The following BST1 variants were observed in gnomAD, a reference collection of about 807,000 sequenced individuals.
BST1 encodes bone marrow stromal cell antigen 1.
A neutral mutation model predicts 40.6 loss-of-function variants in BST1; 49 were observed. The observed-to-expected ratio is 1.21, with a 90% CI of 0.96 to 1.53. The LOEUF is 1.53. Ranked by LOEUF, BST1 falls within the 40% of genes most tolerant of loss-of-function variation. BST1 has a pLI of 0.00. For synonymous variants in BST1, 157 were observed against 159.3 expected, an observed-to-expected ratio of 0.99 and a Z score of 0.11; for missense variants, 423 against 395.9, an observed-to-expected ratio of 1.07 and a Z score of -0.58.
intron 8 of BST1, among the ~76,000 whole-genome samples, chr4:15,725,124 A>AC (rs80132851): frequency 0.13 from 20,445 of 152,102 alleles, 2,577 homozygotes; most frequent in East Asian, 0.52. Flanking sequence ...CAGAAGCCAG[A>AC]TTTTATTTGA....
Position 15,721,310 on chromosome 4 carries a change from C to T in BST1, c.792-1565C>T, listed in dbSNP as rs1260790684. ...AGGTTCTTGCCCATTTTGGAGGGGG[C>T]TTATCTTTTCATGGCCTCCCTTACC... On this transcript the variant is annotated intron_variant, in intron 7 of 8. Transcript: ENST00000265016. Among the ~76,000 whole-genome samples, 3 of 152,300 alleles carry T rather than the reference C, an allele frequency of 2.0e-5. No homozygotes were observed. In the East Asian group the frequency reaches 5.8e-4, roughly 29 times the overall value.
the BST1 span, among the ~76,000 whole-genome samples, chr4:15,756,224 CATAAA>C: frequency 6.6e-6 from 1 of 152,144 alleles, no homozygotes; most frequent in East Asian, 1.9e-4. Context: ...AAGCTCTTCT[CATAAA>C]AGAAAAGTAC....
At chr4:15,745,926 C>A in the BST1 span, among the ~76,000 whole-genome samples, 3 of 152,160 alleles carry the variant, frequency 2.0e-5, no homozygotes, top group Non-Finnish European at 2.9e-5. Context: ...AGGGGCCAGA[C>A]TGATGTCATA....
chr4:15,773,905 G>GT, the BST1 span, among the ~76,000 whole-genome samples: 1 of 152,040 alleles, frequency 6.6e-6, no homozygotes, highest in Non-Finnish European at 1.5e-5. Context: ...CTTCCCTGAC[G>GT]TTTTTTTCTC....
chr4:15,761,697 T>C, the BST1 span, among the ~76,000 whole-genome samples: 1 of 151,990 alleles, frequency 6.6e-6, no homozygotes, highest in East Asian at 1.9e-4. Context: ...TCTTATGTGA[T>C]AGAAATTCCT....
the BST1 span, among the ~76,000 whole-genome samples, chr4:15,749,787 TG>T: frequency 6.6e-6 from 1 of 152,150 alleles, no homozygotes; most frequent in Non-Finnish European, 1.5e-5. Flanking sequence ...TCATGAAAAA[TG>T]GGGTATTCAC....
At chr4:15,746,430 T>G in the BST1 span, among the ~76,000 whole-genome samples, 2,124 of 152,314 alleles carry the variant, frequency 0.014, 39 homozygotes, top group Admixed American at 0.047. Flanking sequence ...GACTGGGAAG[T>G]TCAAGAGCAT....
At chr4:15,755,426 C>G in the BST1 span, among the ~76,000 whole-genome samples, 1 of 152,182 alleles carries the variant, frequency 6.6e-6, no homozygotes, top group Non-Finnish European at 1.5e-5. Context: ...CATGAGCCAC[C>G]GTGCCTGGCG....
chr4:15,756,444 A>G, the BST1 span, among the ~76,000 whole-genome samples: 2 of 152,126 alleles, frequency 1.3e-5, no homozygotes, highest in Non-Finnish European at 2.9e-5. Context: ...GTTTGAAAAA[A>G]CGTTGAATTT....
At chr4:15,770,324 G>A in the BST1 span, among the ~76,000 whole-genome samples, 1 of 152,146 alleles carries the variant, frequency 6.6e-6, no homozygotes, top group East Asian at 1.9e-4. Flanking sequence ...CCGCCGTTCT[G>A]TTTATATGCT....
At chr4:15,769,232 C>T in the BST1 span, among the ~76,000 whole-genome samples, 1 of 152,198 alleles carries the variant, frequency 6.6e-6, no homozygotes, top group Non-Finnish European at 1.5e-5. Context: ...GGTGAATGTC[C>T]AGCCTGTTGT....
At chr4:15,745,607 G>A in the BST1 span, among the ~76,000 whole-genome samples, 1,386 of 152,274 alleles carry the variant, frequency 9.1e-3, 21 homozygotes, top group African/African-American at 0.032. Context: ...AGAGCCTTCT[G>A]AGTTACATGA....
rs765296526 is a variant in BST1 at position 15,715,301 on chromosome 4, C to A, written c.551C>A (p.Ser184Tyr). Residue 184 changes from serine (S) to tyrosine (Y), a missense_variant, in exon 5 of 9, where the codon TCT becomes TAT. Physicochemically the swap from Ser to Tyr is moderately radical, Grantham distance 144. Coordinates refer to ENST00000265016, the MANE Select transcript of BST1 (RefSeq NM_004334.3). Reference sequence around the variant, plus strand: ...TTCTCGTAGTATTCCAAGGATAGTTCTGGGGTGATCCACGTCATGCTGAAT... The same window carrying A: ...TTCTCGTAGTATTCCAAGGATAGTTATGGGGTGATCCACGTCATGCTGAAT... Reference protein sequence around the residue: ...RASIQYSKDSSGVIHVMLNGS... With the variant: ...RASIQYSKDSYGVIHVMLNGS... 3 of 1,613,972 alleles carry A rather than the reference C, an allele frequency of 1.9e-6. No homozygotes were observed. The African/African-American group carries it at 4.0e-5, about 22-fold the overall frequency.
the BST1 span, among the ~76,000 whole-genome samples, chr4:15,757,924 G>A: frequency 2.0e-5 from 3 of 152,118 alleles, no homozygotes; most frequent in Non-Finnish European, 4.4e-5. Flanking sequence ...TTACAGGCAT[G>A]AGCCACCGCG....
chr4:15,721,975 C>T (rs1720833785), intron 7 of BST1, among the ~76,000 whole-genome samples: 2 of 152,124 alleles, frequency 1.3e-5, no homozygotes, highest in African/African-American at 2.4e-5. Context: ...TCCTACCTAA[C>T]TCCCCGTGTG....
chr4:15,768,776 G>A, the BST1 span, among the ~76,000 whole-genome samples: 2 of 152,186 alleles, frequency 1.3e-5, no homozygotes, highest in South Asian at 2.1e-4. Context: ...GATTACAGGC[G>A]TGAGCCACCG....
At chr4:15,717,777 A>G (rs1390008744) in intron 6 of BST1, among the ~76,000 whole-genome samples, 1 of 152,226 alleles carries the variant, frequency 6.6e-6, no homozygotes, top group African/African-American at 2.4e-5. Flanking sequence ...AATATGTTGC[A>G]AGGATGCAAC....
rs913157983 is a variant in BST1 at position 15,719,105 on chromosome 4, C to T, written c.791+112C>T. On this transcript the variant is annotated intron_variant, in intron 7 of 8. Coordinates refer to ENST00000265016, the MANE Select transcript of BST1 (RefSeq NM_004334.3). Reference sequence around the variant, plus strand: ...TCAGCTCTGAAGGCCATGGTGTCTTCCGGGTGGCTTCTCGGTGTGGAGGCA... The same window carrying T: ...TCAGCTCTGAAGGCCATGGTGTCTTTCGGGTGGCTTCTCGGTGTGGAGGCA... 4 of 904,772 alleles carry T rather than the reference C, an allele frequency of 4.4e-6. No homozygotes were observed. The African/African-American group carries it at 6.9e-5, about 16-fold the overall frequency. The allele number at this position is 904,772 out of a possible 1,614,324, so 56.0% of individuals were successfully genotyped here.
chr4:15,724,016 C>T (rs1435174614), intron 8 of BST1, among the ~76,000 whole-genome samples: 1 of 152,214 alleles, frequency 6.6e-6, no homozygotes, highest in Non-Finnish European at 1.5e-5. Flanking sequence ...TATTTACTAA[C>T]ATCATACTTA....
Sources: allele counts gnomAD v4.1 joint callset (sites outside exome capture counted in the v4.1 genomes callset), GRCh38; gene constraint gnomAD v4.1.1; transcripts MANE v1.5; gene names NCBI Gene and HGNC (gene_info 2026-07-23, HGNC 2026-07-21).